LRRTM4: variants seen among roughly 807,000 people sequenced by gnomAD.
LRRTM4 encodes the protein leucine-rich repeat transmembrane neuronal protein 4.
A neutral mutation model predicts 47.6 loss-of-function variants in LRRTM4; 25 were observed. The observed-to-expected ratio is 0.53, with a 90% confidence interval of 0.38 to 0.73. LRRTM4 has a LOEUF of 0.73. LRRTM4 is among the 30% of genes least tolerant of loss of function. The pLI, the probability that LRRTM4 is intolerant of heterozygous loss-of-function variation, is 0.00. For synonymous variants in LRRTM4, 311 were observed against 269.5 expected, an observed-to-expected ratio of 1.15 and a Z score of -1.51; for missense variants, 638 against 713.4, an observed-to-expected ratio of 0.89 and a Z score of 1.20.
At chr2:77,303,706 G>A (rs546938202) in intron 3 of LRRTM4, among the ~76,000 whole-genome samples, 101 of 152,224 alleles carry the variant, frequency 6.6e-4, no homozygotes, top group Middle Eastern at 6.8e-3. Flanking sequence ...AGGTCTTCAG[G>A]TATTTATCTT....
At chr2:77,339,870 C>T (rs1253808831) in intron 3 of LRRTM4, among the ~76,000 whole-genome samples, 2 of 151,862 alleles carry the variant, frequency 1.3e-5, no homozygotes, top group Non-Finnish European at 2.9e-5. Flanking sequence ...TCCCTCACAC[C>T]TAATTTTATC....
chr2:77,020,743 TAAAGA>T (rs901223711), intron 3 of LRRTM4, among the ~76,000 whole-genome samples: 4 of 152,084 alleles, frequency 2.6e-5, no homozygotes, highest in African/African-American at 2.4e-5. Flanking sequence ...GGTCATTTCT[TAAAGA>T]AAAGAAATGG....
intron 3 of LRRTM4, among the ~76,000 whole-genome samples, chr2:76,998,039 G>A (rs1329512438): frequency 6.6e-6 from 1 of 151,872 alleles, no homozygotes; most frequent in African/African-American, 2.4e-5. Flanking sequence ...ATACATTATG[G>A]TGAGTTGTAT....
chr2:77,419,741 C>T (rs1674795707), intron 3 of LRRTM4, among the ~76,000 whole-genome samples: 1 of 151,488 alleles, frequency 6.6e-6, no homozygotes, highest in African/African-American at 2.4e-5. Context: ...ATGGACATTT[C>T]ATAATAAACT....
Position 77,521,837 on chromosome 2 carries a change from CAA to C in LRRTM4, c.-147-21_-147-20del, listed in dbSNP as rs5832290. The C allele has an allele frequency of 0.11, 16,334 of 154,978 alleles. 3 individuals carry two copies. The highest frequency in any genetic ancestry group is 0.2 in the East Asian group (1,897 of 9,568). The allele number at this position is 154,978 out of a possible 1,614,324, so 9.6% of individuals were successfully genotyped here. ...ATACAAACTTCCCCGAGAGGACAGG[CAA>C]AAAAAAAAAAAAAAAATACATATAT... On this transcript the variant is annotated intron_variant, in intron 1 of 3. Transcript: ENST00000409884.
At chr2:77,221,586 A>G (rs1450069315) in intron 3 of LRRTM4, among the ~76,000 whole-genome samples, 2 of 152,128 alleles carry the variant, frequency 1.3e-5, no homozygotes. Context: ...CTTTAAACCA[A>G]CAAAGATCAA....
intron 3 of LRRTM4, among the ~76,000 whole-genome samples, chr2:77,142,433 A>G (rs1386329116): frequency 1.8e-5 from 1 of 56,962 alleles, no homozygotes; most frequent in Non-Finnish European, 2.8e-5. Flanking sequence ...ACACACATAC[A>G]CACACACACA....
Position 77,480,818 on chromosome 2 carries a change from GT to G in LRRTM4, c.1551+37499del, listed in dbSNP as rs1558763440. ...TGTGTGTGTGTGTGTGTGTGTGTGT[GT>G]GTGGAGAGAGAGAGAGAGAGAGAGA... On this transcript the variant is annotated intron_variant, in intron 3 of 3. Coordinates refer to ENST00000409884, the MANE Select transcript of LRRTM4 (RefSeq NM_001134745.3). Among the ~76,000 whole-genome samples, 990 of 114,416 alleles carry G rather than the reference GT, an allele frequency of 8.7e-3. 3 individuals carry two copies. The highest frequency in any genetic ancestry group is 0.024 in the African/African-American group (704 of 29,194). The allele number at this position is 114,416 out of a possible 152,430, so 75.1% of individuals were successfully genotyped here.
Position 77,303,516 on chromosome 2 carries a change from G to C in LRRTM4, c.1551+214802C>G, listed in dbSNP as rs79924236. On this transcript the variant is annotated intron_variant, in intron 3 of 3. Transcript: ENST00000409884. ...AAGTGGTGAGTCTCTAAAAGGGTTTGATTGCTGGCTCAGACTTTATCAAAC... is the reference window on the plus strand; with the variant it reads ...AAGTGGTGAGTCTCTAAAAGGGTTTCATTGCTGGCTCAGACTTTATCAAAC... 6.2e-3 allele frequency among the ~76,000 whole-genome samples: 939 copies of C among 152,260 alleles called. 7 individuals carry two copies. Among genetic ancestry groups the C allele is most frequent in the African/African-American group, 0.022 (899 of 41,560 alleles).
chr2:77,402,349 A>C (rs753106549), intron 3 of LRRTM4, among the ~76,000 whole-genome samples: 5 of 151,812 alleles, frequency 3.3e-5, no homozygotes, highest in Non-Finnish European at 5.9e-5. Flanking sequence ...GGGTTTCATT[A>C]TGTTGCCCAG....
intron 3 of LRRTM4, among the ~76,000 whole-genome samples, chr2:77,250,193 CAGA>C (rs1675565656): frequency 6.6e-6 from 1 of 152,046 alleles, no homozygotes; most frequent in Non-Finnish European, 1.5e-5. Flanking sequence ...TGGCAGTGCA[CAGA>C]AGATGTGTAG....
intron 3 of LRRTM4, among the ~76,000 whole-genome samples, chr2:77,110,591 G>C (rs1017700941): frequency 6.6e-5 from 10 of 151,992 alleles, no homozygotes; most frequent in African/African-American, 2.4e-4. Flanking sequence ...AATGTTTTTT[G>C]ACAAGAACAT....
At chr2:77,443,234 G>A (rs1354005327) in intron 3 of LRRTM4, among the ~76,000 whole-genome samples, 3 of 152,084 alleles carry the variant, frequency 2.0e-5, no homozygotes, top group Non-Finnish European at 4.4e-5. Context: ...GGTTTCAAAA[G>A]GAGAGAGTGA....
chr2:76,847,205 C>A (rs1178583854), intron 3 of LRRTM4, among the ~76,000 whole-genome samples: 1 of 151,802 alleles, frequency 6.6e-6, no homozygotes, highest in Non-Finnish European at 1.5e-5. Flanking sequence ...ATTCATCACT[C>A]TTTTGTTCCC....
At chr2:77,024,537 C>A (rs1019222328) in intron 3 of LRRTM4, among the ~76,000 whole-genome samples, 11 of 144,638 alleles carry the variant, frequency 7.6e-5, no homozygotes, top group African/African-American at 2.8e-4. Context: ...AAGAAAAAAA[C>A]AACAGAGAGG....
chr2:77,235,198 G>T (rs1339492030), intron 3 of LRRTM4, among the ~76,000 whole-genome samples: 1 of 151,886 alleles, frequency 6.6e-6, no homozygotes, highest in Non-Finnish European at 1.5e-5. Flanking sequence ...AGCATGTGAG[G>T]CCAGCATCTG....
Position 77,312,364 on chromosome 2 carries a change from C to T in LRRTM4, c.1551+205954G>A, listed in dbSNP as rs537841188. ...GCTATTGAATCCTATTTAGTTGTAT[C>T]AACGAGGTACCACCCATAATTATGT... On this transcript the variant is annotated intron_variant, in intron 3 of 3. Transcript: ENST00000409884. 6.6e-5 allele frequency among the ~76,000 whole-genome samples: 10 copies of T among 152,200 alleles called. No homozygotes were observed. In the South Asian group the frequency reaches 1.0e-3, roughly 16 times the overall value.
At chr2:77,085,361 C>CA (rs1680675336) in intron 3 of LRRTM4, among the ~76,000 whole-genome samples, 1 of 148,260 alleles carries the variant, frequency 6.7e-6, no homozygotes, top group East Asian at 2.0e-4. Context: ...AAAATACATT[C>CA]AACTGGCAAT....
chr2:76,904,686 C>T (rs768764613), intron 3 of LRRTM4, among the ~76,000 whole-genome samples: 7 of 152,138 alleles, frequency 4.6e-5, no homozygotes, highest in Non-Finnish European at 1.0e-4. Context: ...AGAACACTGG[C>T]TTTGAAGTCA....
Sources: gnomAD v4.1 joint callset for allele counts (sites outside exome capture counted in the v4.1 genomes callset) on GRCh38, gnomAD v4.1.1 for gene constraint, MANE v1.5 for transcripts, NCBI Gene and HGNC (gene_info 2026-07-23, HGNC 2026-07-21) for gene names.